The following FRK variants were observed in gnomAD, a reference collection of about 807,000 sequenced individuals.
The protein encoded by FRK is tyrosine-protein kinase FRK.
Under a neutral mutation model 56.4 loss-of-function variants are expected in FRK, and 51 were observed. The ratio of observed to expected loss-of-function variants is 0.90; its 90% CI spans 0.72 to 1.14. The LOEUF (loss-of-function observed/expected upper bound fraction) is 1.14. Among genes scored for constraint, FRK ranks in the 50% most tolerant of loss-of-function variants. The pLI is 0.00. For synonymous variants in FRK, 245 were observed against 217.9 expected, an observed-to-expected ratio of 1.12 and a Z score of -1.10; for missense variants, 570 against 601.4, an observed-to-expected ratio of 0.95 and a Z score of 0.55.
chr6:115,973,888 C>T (rs1278263246), intron 2 of FRK, among the ~76,000 whole-genome samples: 1 of 147,302 alleles, frequency 6.8e-6, no homozygotes, highest in Non-Finnish European at 1.5e-5. Context: ...AAAAAAAAAG[C>T]CAACAAAAAG....
chr6:116,008,347 G>A (rs1408264144), intron 1 of FRK, among the ~76,000 whole-genome samples: 1 of 152,090 alleles, frequency 6.6e-6, no homozygotes, highest in East Asian at 1.9e-4. Context: ...AATCACACTA[G>A]AATTGAATCC....
intron 1 of FRK, among the ~76,000 whole-genome samples, chr6:116,032,291 A>T (rs1030003442): frequency 1.3e-5 from 2 of 152,112 alleles, no homozygotes; most frequent in African/African-American, 4.8e-5. Flanking sequence ...GCTAAAACTG[A>T]AAAACATTAT....
chr6:116,060,270 G>C lies in FRK; in HGVS notation c.42C>G (p.Pro14=), dbSNP rs760758398. The change falls in exon 1 of 8, where the codon CCC becomes CCG. Residue 14 remains proline (P), a synonymous_variant. Coordinates refer to ENST00000606080, the MANE Select transcript of FRK (RefSeq NM_002031.3). ...ICQRLWEYLE[P]YLPCLSTEAD... ...CCTCCGTGGACAAACAGGGGAGATAGGGTTCTAGGTACTCCCAGAGCCTCT... is the reference window on the plus strand; with the variant it reads ...CCTCCGTGGACAAACAGGGGAGATACGGTTCTAGGTACTCCCAGAGCCTCT... 2 of 1,614,156 alleles carry C rather than the reference G, an allele frequency of 1.2e-6. No homozygotes were observed. The highest frequency in any genetic ancestry group is 2.2e-5 in the South Asian group (2 of 91,072).
chr6:115,991,302 A>G (rs930231985), intron 2 of FRK, among the ~76,000 whole-genome samples: 3 of 151,882 alleles, frequency 2.0e-5, no homozygotes, highest in Non-Finnish European at 2.9e-5. Context: ...AATTTCCAGT[A>G]CTATATTGAA....
the FRK span, among the ~76,000 whole-genome samples, chr6:116,087,410 C>A: frequency 6.6e-6 from 1 of 152,226 alleles, no homozygotes; most frequent in African/African-American, 2.4e-5. Flanking sequence ...ATCAGCCCTG[C>A]CCTCTGCACC....
intron 1 of FRK, among the ~76,000 whole-genome samples, chr6:116,016,539 G>A (rs1188721994): frequency 6.6e-6 from 1 of 152,056 alleles, no homozygotes; most frequent in African/African-American, 2.4e-5. Context: ...GTGAATGAGT[G>A]GATGGATGTG....
intron 1 of FRK, among the ~76,000 whole-genome samples, chr6:116,019,611 T>C (rs150159147): frequency 1.6e-3 from 237 of 152,318 alleles, no homozygotes; most frequent in African/African-American, 5.3e-3. Context: ...TCAGAGCAAG[T>C]GCTTCAAAAT....
intron 2 of FRK, among the ~76,000 whole-genome samples, chr6:115,998,985 T>C (rs769991635): frequency 2.0e-5 from 3 of 152,190 alleles, no homozygotes; most frequent in Non-Finnish European, 2.9e-5. Flanking sequence ...AAAATCACAG[T>C]ATTCAATGCA....
At chr6:115,975,955 G>A (rs1030629541) in intron 2 of FRK, among the ~76,000 whole-genome samples, 4 of 152,090 alleles carry the variant, frequency 2.6e-5, no homozygotes, top group South Asian at 2.1e-4. Context: ...TATTCTGCAC[G>A]TTAACTTCTA....
chr6:116,041,638 C>T (rs917415942), intron 1 of FRK, among the ~76,000 whole-genome samples: 4 of 152,150 alleles, frequency 2.6e-5, no homozygotes, highest in Admixed American at 6.5e-5. Flanking sequence ...CCAGGAAGCT[C>T]AAGGGGTCAG....
the FRK span, among the ~76,000 whole-genome samples, chr6:116,087,026 G>T: frequency 6.6e-6 from 1 of 152,252 alleles, no homozygotes; most frequent in Non-Finnish European, 1.5e-5. Flanking sequence ...CATGGGAATG[G>T]AAGTCAGGAA....
the FRK span, among the ~76,000 whole-genome samples, chr6:116,083,396 A>G: frequency 1.2e-3 from 179 of 152,294 alleles, no homozygotes; most frequent in African/African-American, 3.7e-3. Context: ...AAGATGAGAA[A>G]ATTAACAGCA....
chr6:115,956,674 T>C lies in FRK; in HGVS notation c.800-64A>G, dbSNP rs376744061. The stretch of plus-strand genomic sequence containing the variant: ...AGGCATTCCTATCCTCACAGCAGCC[T>C]GGTGGGAATCATCAAGATTGCCTCC... On this transcript the variant is annotated intron_variant, in intron 4 of 7. Coordinates refer to ENST00000606080, the MANE Select transcript of FRK (RefSeq NM_002031.3). 238 of 1,308,058 alleles carry C rather than the reference T, an allele frequency of 1.8e-4. No homozygotes were observed. The African/African-American group carries it at 3.3e-3, about 18-fold the overall frequency. 81.0% of individuals were successfully genotyped at this position (1,308,058 alleles called of 1,614,324 possible). A position where few individuals can be genotyped will look rare whatever the true frequency, so the allele number is the denominator to read the frequency against.
intron 1 of FRK, among the ~76,000 whole-genome samples, chr6:116,008,778 T>C (rs773554892): frequency 4.6e-5 from 7 of 152,172 alleles, no homozygotes; most frequent in Admixed American, 6.5e-5. Context: ...AGTTCTTACG[T>C]GCAGTAGACA....
At position 115,931,404 on chromosome 6, in the gene FRK, T is replaced by C. The variant is rs963070136; in HGVS notation, c.*11010A>G. The C allele has an allele frequency of 1.3e-5, 2 of 152,164 alleles. No homozygotes were observed. Among genetic ancestry groups the C allele is most frequent in the Non-Finnish European group, 2.9e-5 (2 of 68,016 alleles). 9.4% of individuals were successfully genotyped at this position (152,164 alleles called of 1,614,324 possible). A position where few individuals can be genotyped will look rare whatever the true frequency, so the allele number is the denominator to read the frequency against. On this transcript the variant is annotated 3_prime_UTR_variant, in exon 8 of 8. Transcript: ENST00000606080. ...ATTTGAATCTGGGTAAATAATAGCATTATAACAAGTGGTACAATTAAAAGA... is the reference window on the plus strand; with the variant it reads ...ATTTGAATCTGGGTAAATAATAGCACTATAACAAGTGGTACAATTAAAAGA...
chr6:115,949,793 T>A (rs1772643982), intron 5 of FRK, among the ~76,000 whole-genome samples: 1 of 152,138 alleles, frequency 6.6e-6, no homozygotes. Context: ...ACTACAATGC[T>A]ACAGTAAACA....
intron 2 of FRK, among the ~76,000 whole-genome samples, chr6:115,993,686 C>T (rs1164665803): frequency 6.6e-6 from 1 of 151,890 alleles, no homozygotes; most frequent in East Asian, 1.9e-4. Flanking sequence ...TAAAAAAGAA[C>T]TGAGGAAAGC....
chr6:116,092,737 C>G, the FRK span, among the ~76,000 whole-genome samples: 4 of 152,232 alleles, frequency 2.6e-5, no homozygotes, highest in Admixed American at 2.6e-4. Flanking sequence ...GCAACTATTC[C>G]GATCAGCAGG....
At chr6:116,055,105 T>C (rs971239512) in intron 1 of FRK, among the ~76,000 whole-genome samples, 10 of 152,194 alleles carry the variant, frequency 6.6e-5, no homozygotes, top group Non-Finnish European at 1.5e-4. Flanking sequence ...AACGGTGATA[T>C]AGGTGATATA....
Sources: gnomAD v4.1 joint callset for allele counts (sites outside exome capture counted in the v4.1 genomes callset) on GRCh38, gnomAD v4.1.1 for gene constraint, MANE v1.5 for transcripts, NCBI Gene and HGNC (gene_info 2026-07-23, HGNC 2026-07-21) for gene names.